Variants in SLC41A3 observed in about 807,000 individuals in gnomAD.
SLC41A3 encodes the protein solute carrier family 41 member 3, also known as SLC41A1-like 2.
A neutral mutation model predicts 45.4 loss-of-function variants in SLC41A3; 44 were observed. That is an observed-to-expected ratio of 0.97 (90% CI 0.76 to 1.25). The LOEUF (loss-of-function observed/expected upper bound fraction) is 1.25, where lower values mean the gene tolerates loss of function less well. SLC41A3 is among the 50% of genes most tolerant of loss of function. SLC41A3 has a pLI of 0.00. For missense variants in SLC41A3, 550 were observed against 600.6 expected (o/e 0.92, Z 0.88); for synonymous variants, 256 against 252.4 (o/e 1.01, Z -0.13).
chr3:126,067,159 CACAAATGCACATGCTCTTT>C (rs1286431930), intron 2 of SLC41A3, among the ~76,000 whole-genome samples: 2 of 145,972 alleles, frequency 1.4e-5, no homozygotes, highest in East Asian at 4.2e-4. Context: ...CCATCAAAGC[CACAAATGCACATGCTCTTT>C]ACCCAGCAAT....
chr3:126,022,832 T>A lies in SLC41A3; in HGVS notation c.699A>T (p.Thr233=). The change falls in exon 6 of 11, where the codon ACA becomes ACT. Residue 233 remains threonine (T), a synonymous_variant. Transcript: ENST00000360370. ...TGCTAACCAAAGCCAGAATGGACAG[T>A]GTGATGAGGTCTCCCAGGCTGGCTG... is the stretch of plus-strand genomic sequence containing the variant. ...PIAASLGDLI[T]LSILALVSSF... The A allele has an allele frequency of 1.9e-6, 3 of 1,614,148 alleles. No homozygotes were observed. The Admixed American group carries it at 5.0e-5, about 27-fold the overall frequency.
rs988117145 is a variant in SLC41A3, at chr3:126,033,496, A to G, written c.453+111T>C. On this transcript the variant is annotated intron_variant, in intron 4 of 10. Transcript: ENST00000360370. The stretch of plus-strand genomic sequence containing the variant: ...GAGGGACAGGTAGCTACCTGTTCTC[A>G]AAGTTCAGGCCAGAGTGCAGGGACA... The G allele has an allele frequency of 2.5e-6, 3 of 1,209,910 alleles. No individual in the cohort carries two copies. The African/African-American group carries it at 4.5e-5, about 18-fold the overall frequency. 74.9% of individuals were successfully genotyped at this position (1,209,910 alleles called of 1,614,324 possible).
intron 2 of SLC41A3, among the ~76,000 whole-genome samples, chr3:126,059,168 G>A (rs1398745475): frequency 2.0e-5 from 3 of 148,446 alleles, no homozygotes; most frequent in Non-Finnish European, 4.4e-5. Flanking sequence ...GCCAGCCTCC[G>A]CCCTAAATGC....
intron 1 of SLC41A3, among the ~76,000 whole-genome samples, chr3:126,075,733 G>C (rs370205770): frequency 5.9e-4 from 90 of 152,290 alleles, no homozygotes; most frequent in African/African-American, 2.0e-3. Flanking sequence ...GATGGGGAAA[G>C]AGTAGTGTCT....
chr3:126,080,297 C>G lies in SLC41A3; in HGVS notation c.-28+3796G>C, dbSNP rs76804788. Among the ~76,000 whole-genome samples, 1,341 of 152,190 alleles carry G rather than the reference C, an allele frequency of 8.8e-3. 24 individuals are homozygous for G. Among genetic ancestry groups the G allele is most frequent in the African/African-American group, 0.031 (1,297 of 41,520 alleles). ...TAACCCACAGAATGGAAGAAAATAT[C>G]TGAAACCACTCATCTCACAAGGGAT... On this transcript the variant is annotated intron_variant, in intron 1 of 10. Transcript: ENST00000360370.
In SLC41A3 at chr3:126,026,590, C is replaced by T. The variant is rs7646705; in HGVS notation, c.454-111G>A. ...GGCCGGGTGCCACATGCTACTGCCT[C>T]CTTTCCCTTACCCTAAAATCTCACA... On this transcript the variant is annotated intron_variant, in intron 4 of 10. Transcript: ENST00000360370. The surrounding 1 kb of genome is among the most constrained non-coding windows in gnomAD (Gnocchi z 4.2). 344,564 of 1,354,754 alleles carry T rather than the reference C, an allele frequency of 0.25. 45,514 individuals carry two copies. The highest frequency in any genetic ancestry group is 0.29 in the Middle Eastern group (1,416 of 4,802). 83.9% of individuals were successfully genotyped at this position (1,354,754 alleles called of 1,614,324 possible).
chr3:126,092,641 GA>G, intron 1 of SLC41A3: 1 of 153,346 alleles, frequency 6.5e-6, no homozygotes, highest in Non-Finnish European at 1.5e-5. Flanking sequence ...AATCCAGGTT[GA>G]AGGGTTGCCA....
At chr3:126,101,111 G>A (rs1386199398) in intron 1 of SLC41A3, among the ~76,000 whole-genome samples, 3 of 152,196 alleles carry the variant, frequency 2.0e-5, no homozygotes, top group Admixed American at 2.0e-4. Context: ...GGGTCCAAGT[G>A]CTGCCCACAT....
At chr3:126,065,964 C>T (rs1021283706) in intron 2 of SLC41A3, among the ~76,000 whole-genome samples, 4 of 152,190 alleles carry the variant, frequency 2.6e-5, no homozygotes, top group Admixed American at 2.6e-4. Flanking sequence ...ATGACCACAG[C>T]AGGCAGCAGC....
intron 2 of SLC41A3, among the ~76,000 whole-genome samples, chr3:126,057,619 A>G (rs1262003390): frequency 6.6e-6 from 1 of 152,174 alleles, no homozygotes; most frequent in African/African-American, 2.4e-5. Flanking sequence ...CCGTCGGACT[A>G]TCCCAGGCTT....
intron 3 of SLC41A3, among the ~76,000 whole-genome samples, chr3:126,048,430 T>C (rs1031978640): frequency 6.6e-6 from 1 of 152,200 alleles, no homozygotes; most frequent in Non-Finnish European, 1.5e-5. Flanking sequence ...TGTATGTTCA[T>C]GTATATATTT....
rs766633016 is a variant in SLC41A3 at position 126,012,580 on chromosome 3, T to C, written c.1105+35A>G. The C allele has an allele frequency of 5.0e-6, 8 of 1,609,332 alleles. No individual in the cohort carries two copies. In the African/African-American group the frequency reaches 1.1e-4, roughly 22 times the overall value. ...ACCGATGTTTTCTTGTTTAAAGAAA[T>C]GGCTATCATGGCCTCTGAAAGACAT... On this transcript the variant is annotated intron_variant, in intron 9 of 10. Coordinates refer to ENST00000360370, the MANE Select transcript of SLC41A3 (RefSeq NM_017836.4).
At position 126,068,346 on chromosome 3, in the gene SLC41A3, G is replaced by A. The variant is rs1270945294; in HGVS notation, c.-27-100C>T. The A allele has an allele frequency of 4.3e-6, 5 of 1,155,950 alleles. No homozygotes were observed. The Admixed American group carries it at 9.1e-5, about 21-fold the overall frequency. The allele number at this position is 1,155,950 out of a possible 1,614,324, so 71.6% of individuals were successfully genotyped here. On this transcript the variant is annotated intron_variant, in intron 1 of 10. Transcript: ENST00000360370. ...ACCTGTCCAGCCCCAGGCCGGCATG[G>A]TCCCATCCAACCCACAGCCCTTACT...
At position 126,026,244 on chromosome 3, in the gene SLC41A3, AC is replaced by A. The variant is rs1941329857; in HGVS notation, c.598+90del. 7 of 1,502,306 alleles carry A rather than the reference AC, an allele frequency of 4.7e-6. No homozygotes were observed. The highest frequency in any genetic ancestry group is 6.3e-6 in the Non-Finnish European group (7 of 1,119,132). 93.1% of individuals were successfully genotyped at this position (1,502,306 alleles called of 1,614,324 possible). A position where few individuals can be genotyped will look rare whatever the true frequency, so the allele number is the denominator to read the frequency against. ...CAGTCCCATTAGCAGTGGGACTCAC[AC>A]CCCCAGAAACTGAAAACACAATGAG... is the stretch of plus-strand genomic sequence containing the variant. On this transcript the variant is annotated intron_variant, in intron 5 of 10. Transcript: ENST00000360370. This position sits in a 1 kb window ranked among gnomAD's most constrained non-coding sequence, Gnocchi z 4.2.
At chr3:126,073,408 C>T (rs1158682366) in intron 1 of SLC41A3, 2 of 152,220 alleles carry the variant, frequency 1.3e-5, no homozygotes, top group African/African-American at 4.8e-5. Context: ...GCACTCCAGC[C>T]TGGGTGGCAG....
upstream of SLC41A3, among the ~76,000 whole-genome samples, chr3:126,086,408 G>GT (rs57316346): frequency 3.0e-3 from 63 of 21,174 alleles, 7 homozygotes; most frequent in East Asian, 4.6e-3. Context: ...TTGTTTTCTT[G>GT]TTTTTTTTTT....
intron 6 of SLC41A3, 130 bp from the exon 7 acceptor site, chr3:126,017,005 G>C: frequency 8.6e-7 from 1 of 1,157,926 alleles, no homozygotes; most frequent in Non-Finnish European, 1.2e-6. Context: ...GAACTGCCTT[G>C]CCATACTTTT....
At chr3:126,098,925 CTT>C (rs57262035) in intron 1 of SLC41A3, among the ~76,000 whole-genome samples, 59 of 109,626 alleles carry the variant, frequency 5.4e-4, no homozygotes, top group South Asian at 1.5e-3. Context: ...CATGACCTGG[CTT>C]TTTTTTTTTT....
At chr3:126,046,993 A>G (rs567890853) in intron 3 of SLC41A3, among the ~76,000 whole-genome samples, 145 of 151,134 alleles carry the variant, frequency 9.6e-4, no homozygotes, top group African/African-American at 3.4e-3. Context: ...GAAAAGAAAG[A>G]TGTCAATACT....
Sources: gnomAD v4.1 joint callset for allele counts (sites outside exome capture counted in the v4.1 genomes callset) on GRCh38, gnomAD v4.1.1 for gene constraint, Gnocchi (gnomAD v3.1) non-coding constraint, MANE v1.5 for transcripts, NCBI Gene and HGNC (gene_info 2026-07-23, HGNC 2026-07-21) for gene names.